The following TMTC4 variants were observed in gnomAD, a reference collection of about 807,000 sequenced individuals.
TMTC4 encodes the protein transmembrane O-mannosyltransferase targeting cadherins 4.
A neutral mutation model predicts 86.0 loss-of-function variants in TMTC4; 65 were observed. The observed-to-expected ratio is 0.76, with a 90% CI of 0.62 to 0.93. The LOEUF is 0.93. Ranked by LOEUF, TMTC4 falls within the 40% of genes least tolerant of loss-of-function variation. TMTC4 has a pLI of 0.00. For missense variants in TMTC4, 866 were observed against 948.1 expected (o/e 0.91, Z 1.14); for synonymous variants, 379 against 382.5 (o/e 0.99, Z 0.11).
chr13:100,666,394 A>G (rs1307384024), intron 3 of TMTC4, among the ~76,000 whole-genome samples: 2 of 152,218 alleles, frequency 1.3e-5, no homozygotes, highest in African/African-American at 4.8e-5. Context: ...AAAGGGGCAC[A>G]GTGTGATGCT....
At position 100,626,160 on chromosome 13, in the gene TMTC4, G is replaced by A. The variant is rs1211830485; in HGVS notation, c.1507-10C>T. On this transcript the variant is annotated splice_polypyrimidine_tract_variant and intron_variant, in intron 12 of 18. Coordinates refer to ENST00000342624, the MANE Select transcript of TMTC4 (RefSeq NM_032813.5). ...CAATGTTGTAGTGAACCTGCAGACAGAGAATAATTGGGCCATCAGCAGACA... is the reference window on the plus strand; with the variant it reads ...CAATGTTGTAGTGAACCTGCAGACAAAGAATAATTGGGCCATCAGCAGACA... 5 of 1,613,862 alleles carry A rather than the reference G, an allele frequency of 3.1e-6. No individual in the cohort carries two copies. Among genetic ancestry groups the A allele is most frequent in the Non-Finnish European group, 4.2e-6 (5 of 1,179,880 alleles).
chr13:100,634,967 C>T (rs771335996), intron 11 of TMTC4, 31 bp from the exon 12 acceptor site: 8 of 1,611,272 alleles, frequency 5.0e-6, no homozygotes, highest in Non-Finnish European at 6.8e-6. Context: ...GTAATTGTCA[C>T]CAGTGAGATG....
At chr13:100,627,161 C>T (rs1880673223) in intron 12 of TMTC4, among the ~76,000 whole-genome samples, 1 of 152,172 alleles carries the variant, frequency 6.6e-6, no homozygotes, top group Non-Finnish European at 1.5e-5. Context: ...AGGGTCTGAG[C>T]AAGGGCCTCG....
chr13:100,662,716 C>T (rs1885926221), intron 5 of TMTC4, among the ~76,000 whole-genome samples: 1 of 152,182 alleles, frequency 6.6e-6, no homozygotes, highest in Non-Finnish European at 1.5e-5. Context: ...GCAGTCCCCA[C>T]CGACATGGTG....
chr13:100,622,799 T>A (rs537938284), intron 15 of TMTC4, among the ~76,000 whole-genome samples: 2 of 152,288 alleles, frequency 1.3e-5, no homozygotes, highest in African/African-American at 4.8e-5. Context: ...TATTATACTT[T>A]AAGTTTTAGC....
chr13:100,614,109 G>C (rs1309649139), intron 16 of TMTC4, among the ~76,000 whole-genome samples: 1 of 151,936 alleles, frequency 6.6e-6, no homozygotes, highest in African/African-American at 2.4e-5. Context: ...AAAGCGCTGG[G>C]ATTACAGGTG....
At chr13:100,616,179 T>C (rs767017856) in intron 15 of TMTC4, among the ~76,000 whole-genome samples, 4 of 152,054 alleles carry the variant, frequency 2.6e-5, no homozygotes, top group Non-Finnish European at 5.9e-5. Flanking sequence ...CTATTGTGAA[T>C]AGTGATTGAT....
chr13:100,649,562 G>A (rs1324426221), intron 6 of TMTC4, among the ~76,000 whole-genome samples: 2 of 151,964 alleles, frequency 1.3e-5, no homozygotes, highest in African/African-American at 2.4e-5. Context: ...TCAATAAATA[G>A]TTTCATTTAT....
rs1206088419 is a variant in TMTC4 at position 100,656,630 on chromosome 13, C to T, written c.553-162G>A. Among the ~76,000 whole-genome samples, 4 of 145,260 alleles carry T rather than the reference C, an allele frequency of 2.8e-5. 1 individual carries two copies. The highest frequency in any genetic ancestry group is 3.0e-5 in the Non-Finnish European group (2 of 66,696). On this transcript the variant is annotated intron_variant, in intron 5 of 18. Coordinates refer to ENST00000342624, the MANE Select transcript of TMTC4 (RefSeq NM_032813.5). ...TGATCTTGGCTCACTGTAGCCTCAACCCCCCTGGGCTCAAGCAATTCTCCC... is the reference window on the plus strand; with the variant it reads ...TGATCTTGGCTCACTGTAGCCTCAATCCCCCTGGGCTCAAGCAATTCTCCC...
chr13:100,612,032 G>C (rs1009251005), intron 17 of TMTC4, among the ~76,000 whole-genome samples: 3 of 152,216 alleles, frequency 2.0e-5, no homozygotes, highest in Admixed American at 1.3e-4. Context: ...GGGTGGGGCT[G>C]GGGCAGGGGC....
Position 100,604,054 on chromosome 13 carries a change from G to C in TMTC4, c.*940C>G, listed in dbSNP as rs1456242446. Reference sequence around the variant, plus strand: ...GTTTGGATCAAATAAAAAACAGCAGGAACAACTCAATTCTTAAAAATACCA... The same window carrying C: ...GTTTGGATCAAATAAAAAACAGCAGCAACAACTCAATTCTTAAAAATACCA... On this transcript the variant is annotated 3_prime_UTR_variant, in exon 19 of 19. Transcript: ENST00000342624. 1 of 152,554 alleles carries C rather than the reference G, an allele frequency of 6.6e-6. No homozygotes were observed. Among genetic ancestry groups the C allele is most frequent in the Non-Finnish European group, 1.5e-5 (1 of 68,028 alleles). 9.5% of individuals were successfully genotyped at this position (152,554 alleles called of 1,614,324 possible).
chr13:100,632,053 A>ACACACACACACACACACACTCT lies in TMTC4; in HGVS notation c.1506+2751_1506+2752insAGAGTGTGTGTGTGTGTGTGTG, dbSNP rs1296569630. Among the ~76,000 whole-genome samples, 117 of 43,058 alleles carry ACACACACACACACACACACTCT rather than the reference A, an allele frequency of 2.7e-3. 1 individual carries two copies. Among genetic ancestry groups the ACACACACACACACACACACTCT allele is most frequent in the African/African-American group, 9.5e-3 (112 of 11,750 alleles). 28.2% of individuals were successfully genotyped at this position (43,058 alleles called of 152,430 possible). ...CACACACACACACACACACACACACACTCTCTCTCTCTCTCTCTCTCTCTC... is the reference window on the plus strand; with the variant it reads ...CACACACACACACACACACACACACACACACACACACACACACACTCTCTCTCTCTCTCTCTCTCTCTCTCTC... On this transcript the variant is annotated intron_variant, in intron 12 of 18. Coordinates refer to ENST00000342624, the MANE Select transcript of TMTC4 (RefSeq NM_032813.5).
intron 15 of TMTC4, among the ~76,000 whole-genome samples, chr13:100,619,252 C>T (rs1273576903): frequency 1.2e-4 from 18 of 152,030 alleles, no homozygotes; most frequent in Admixed American, 9.8e-4. Flanking sequence ...GTTGTTGCTT[C>T]TTTTGAGAGG....
intron 6 of TMTC4, among the ~76,000 whole-genome samples, chr13:100,645,205 G>A (rs1883565909): frequency 6.6e-6 from 1 of 152,118 alleles, no homozygotes; most frequent in African/African-American, 2.4e-5. Flanking sequence ...TTGCTGAAGT[G>A]GCCACCGCGA....
rs916140125 is a variant in TMTC4 at position 100,644,756 on chromosome 13, C to T, written c.641-2445G>A. On this transcript the variant is annotated intron_variant, in intron 6 of 18. Coordinates refer to ENST00000342624, the MANE Select transcript of TMTC4 (RefSeq NM_032813.5). Reference sequence around the variant, plus strand: ...GGCACTTTAAAGCTTTTCACAAGGCCAGCTGATCGACAGGAAAGCCTCATT... The same window carrying T: ...GGCACTTTAAAGCTTTTCACAAGGCTAGCTGATCGACAGGAAAGCCTCATT... Among the ~76,000 whole-genome samples, 9 of 152,148 alleles carry T rather than the reference C, an allele frequency of 5.9e-5. No homozygotes were observed. The South Asian group carries it at 6.2e-4, about 10-fold the overall frequency.
chr13:100,658,778 A>G (rs1287953349), intron 5 of TMTC4, among the ~76,000 whole-genome samples: 2 of 152,262 alleles, frequency 1.3e-5, no homozygotes, highest in African/African-American at 4.8e-5. Flanking sequence ...TGAGCAATGT[A>G]CATTATGTTC....
chr13:100,670,168 T>G, intron 2 of TMTC4, 192 bp downstream of exon 2: 1 of 552,512 alleles, frequency 1.8e-6, no homozygotes, highest in Non-Finnish European at 3.1e-6. Flanking sequence ...CCTGCTGAGA[T>G]GAAAGAGAAT....
intron 3 of TMTC4, 137 bp from the exon 4 acceptor site, chr13:100,664,473 C>G (rs1886172304): frequency 1.7e-6 from 1 of 584,320 alleles, no homozygotes; most frequent in African/African-American, 1.9e-5. Flanking sequence ...ATGTTGATAT[C>G]TCGAAATACA....
At chr13:100,612,662 CACA>C in intron 16 of TMTC4, 152 bp from the exon 17 acceptor site, 3 of 245,696 alleles carry the variant, frequency 1.2e-5, no homozygotes, top group Middle Eastern at 2.0e-3. Context: ...AATACACACA[CACA>C]CACACACACA....
Sources: allele counts gnomAD v4.1 joint callset (sites outside exome capture counted in the v4.1 genomes callset), GRCh38; gene constraint gnomAD v4.1.1; transcripts MANE v1.5; gene names NCBI Gene and HGNC (gene_info 2026-07-23, HGNC 2026-07-21).